The following GRM5 variants were observed in gnomAD, a reference collection of about 807,000 sequenced individuals.
GRM5 encodes metabotropic glutamate receptor 5.
Under a neutral mutation model 83.1 loss-of-function variants are expected in GRM5, and 19 were observed. That is an observed-to-expected ratio of 0.23 (90% CI 0.16 to 0.34). The LOEUF (loss-of-function observed/expected upper bound fraction) is 0.34. Ranked by LOEUF, GRM5 falls within the 10% of genes least tolerant of loss-of-function variation. The pLI is 1.00. For synonymous variants in GRM5, 675 were observed against 633.6 expected (o/e 1.07, Z -0.98); for missense variants, 1,160 against 1,588.3 (o/e 0.73, Z 4.58).
At chr11:88,927,837 T>A (rs1433911334) in intron 2 of GRM5, among the ~76,000 whole-genome samples, 1 of 152,138 alleles carries the variant, frequency 6.6e-6, no homozygotes, top group Non-Finnish European at 1.5e-5. Flanking sequence ...TAGGACATTA[T>A]TAATAGCTCA....
At chr11:88,600,912 A>T (rs191055038) in intron 5 of GRM5, among the ~76,000 whole-genome samples, 1 of 152,230 alleles carries the variant, frequency 6.6e-6, no homozygotes, top group Admixed American at 6.5e-5. Flanking sequence ...GCCCTGGTCC[A>T]TACAACAAAG....
At chr11:88,854,191 G>C (rs1010416539) in intron 2 of GRM5, among the ~76,000 whole-genome samples, 10 of 151,660 alleles carry the variant, frequency 6.6e-5, no homozygotes, top group African/African-American at 1.9e-4. Flanking sequence ...AATGGGACCT[G>C]TTAGATAACT....
intron 3 of GRM5, among the ~76,000 whole-genome samples, chr11:88,774,892 T>C (rs1318365680): frequency 6.6e-6 from 1 of 152,228 alleles, no homozygotes; most frequent in Non-Finnish European, 1.5e-5. Flanking sequence ...TCAGGGATAT[T>C]GGTCTAAAAT....
At chr11:89,059,351 C>T (rs1941941879) in intron 1 of GRM5, among the ~76,000 whole-genome samples, 1 of 152,102 alleles carries the variant, frequency 6.6e-6, no homozygotes, top group Admixed American at 6.6e-5. Context: ...TGATTATCTT[C>T]AAGCATTTGC....
At position 88,737,214 on chromosome 11, in the gene GRM5, A is replaced by G. The variant is rs543117732; in HGVS notation, c.912-83811T>C. 3.2e-4 allele frequency among the ~76,000 whole-genome samples: 49 copies of G among 152,192 alleles called. 1 individual carries two copies. The highest frequency in any genetic ancestry group is 1.2e-3 in the African/African-American group (49 of 41,564). Reference sequence around the variant, plus strand: ...CTTCTTATGCTCAGACACAGATTTCATTGTGGATGTCTCCTTTAACAGTAT... The same window carrying G: ...CTTCTTATGCTCAGACACAGATTTCGTTGTGGATGTCTCCTTTAACAGTAT... On this transcript the variant is annotated intron_variant, in intron 3 of 9. Coordinates refer to ENST00000305447, the MANE Select transcript of GRM5 (RefSeq NM_001143831.3).
At chr11:88,862,164 G>C (rs982831188) in intron 2 of GRM5, among the ~76,000 whole-genome samples, 5 of 152,170 alleles carry the variant, frequency 3.3e-5, no homozygotes, top group African/African-American at 1.2e-4. Flanking sequence ...GCCCTCGACA[G>C]AGTGAGGAGA....
chr11:88,671,141 C>A (rs886729643), intron 3 of GRM5, among the ~76,000 whole-genome samples: 3 of 151,662 alleles, frequency 2.0e-5, no homozygotes, highest in African/African-American at 7.3e-5. Flanking sequence ...AAAATAACAT[C>A]TCCAACAACA....
intron 3 of GRM5, among the ~76,000 whole-genome samples, chr11:88,734,225 T>C (rs1370392426): frequency 6.6e-6 from 1 of 151,862 alleles, no homozygotes; most frequent in Non-Finnish European, 1.5e-5. Context: ...TAATGGCCAA[T>C]AGGTATATGA....
At chr11:88,546,365 A>G (rs775777161) in intron 8 of GRM5, among the ~76,000 whole-genome samples, 7 of 152,060 alleles carry the variant, frequency 4.6e-5, no homozygotes, top group African/African-American at 7.2e-5. Flanking sequence ...CAAAGCATAG[A>G]ACAGTTTCTG....
intron 2 of GRM5, among the ~76,000 whole-genome samples, chr11:88,911,284 T>C (rs934801841): frequency 6.6e-6 from 1 of 152,130 alleles, no homozygotes; most frequent in Non-Finnish European, 1.5e-5. Flanking sequence ...AACAAGTCCT[T>C]CGCCTACACA....
At chr11:89,060,166 A>G (rs563881429) in intron 1 of GRM5, among the ~76,000 whole-genome samples, 2 of 152,206 alleles carry the variant, frequency 1.3e-5, no homozygotes, top group South Asian at 4.1e-4. Flanking sequence ...AACAAAGGAA[A>G]CACGGTAAAT....
At chr11:88,592,906 C>G (rs1203338921) in intron 6 of GRM5, among the ~76,000 whole-genome samples, 2 of 152,050 alleles carry the variant, frequency 1.3e-5, no homozygotes, top group Admixed American at 6.5e-5. Flanking sequence ...CTTGACCTCC[C>G]CAGCCCAAGA....
At chr11:88,689,883 C>T (rs1290387406) in intron 3 of GRM5, among the ~76,000 whole-genome samples, 2 of 151,954 alleles carry the variant, frequency 1.3e-5, no homozygotes, top group African/African-American at 2.4e-5. Context: ...GGCCTGATCT[C>T]TTTATTCCAA....
chr11:88,515,672 A>G (rs1347861939), intron 9 of GRM5, among the ~76,000 whole-genome samples: 2 of 152,244 alleles, frequency 1.3e-5, no homozygotes, highest in African/African-American at 4.8e-5. Context: ...GTCTTAGCTG[A>G]GATGTTTTAA....
At chr11:88,849,166 CAT>C (rs1390464877) in intron 3 of GRM5, among the ~76,000 whole-genome samples, 2 of 151,884 alleles carry the variant, frequency 1.3e-5, no homozygotes, top group African/African-American at 4.8e-5. Flanking sequence ...TACACACACA[CAT>C]ATGTATATAC....
chr11:88,614,355 C>A (rs1938411404), intron 4 of GRM5, among the ~76,000 whole-genome samples: 1 of 152,122 alleles, frequency 6.6e-6, no homozygotes, highest in East Asian at 1.9e-4. Flanking sequence ...GAGCCTGGCA[C>A]AAGATGCTTC....
At chr11:88,907,770 G>GA (rs1036647103) in intron 2 of GRM5, among the ~76,000 whole-genome samples, 1 of 152,040 alleles carries the variant, frequency 6.6e-6, no homozygotes, top group African/African-American at 2.4e-5. Flanking sequence ...GTTTTAATTT[G>GA]AAAACTAGTA....
chr11:88,584,586 G>C (rs951814222), intron 7 of GRM5, among the ~76,000 whole-genome samples: 9 of 152,074 alleles, frequency 5.9e-5, no homozygotes, highest in Admixed American at 5.9e-4. Context: ...GGGATTACAG[G>C]CATGCACCAC....
intron 9 of GRM5, among the ~76,000 whole-genome samples, chr11:88,511,302 T>G (rs903788337): frequency 6.6e-6 from 1 of 152,196 alleles, no homozygotes; most frequent in African/African-American, 2.4e-5. Flanking sequence ...TCATTTGGAA[T>G]CCACCAGCCT....
Sources: allele counts gnomAD v4.1 joint callset (sites outside exome capture counted in the v4.1 genomes callset), GRCh38; gene constraint gnomAD v4.1.1; transcripts MANE v1.5; gene names NCBI Gene and HGNC (gene_info 2026-07-23, HGNC 2026-07-21).